Variants in FTO observed in about 807,000 individuals in gnomAD.
FTO encodes the protein alpha-ketoglutarate-dependent dioxygenase FTO.
In FTO, 47 loss-of-function variants were observed where a neutral mutation model predicts 63.9. The ratio of observed to expected loss-of-function variants is 0.74; its 90% confidence interval spans 0.58 to 0.94. The LOEUF (loss-of-function observed/expected upper bound fraction) is 0.94. FTO is among the 40% of genes least tolerant of loss of function. FTO has a pLI of 0.00. For synonymous variants in FTO, 207 were observed against 224.4 expected (o/e 0.92, Z 0.69); for missense variants, 562 against 618.1 (o/e 0.91, Z 0.96).
In FTO at chr16:54,053,613, A is replaced by C. The variant is rs117821714; in HGVS notation, c.1365-58149A>C. On this transcript the variant is annotated intron_variant, in intron 8 of 8. Transcript: ENST00000471389. ...ATGGTAAAGGTCCCCCCATTCAGGG[A>C]CTTCAATTTTGTGACAGAGAAAAAG... 7.2e-4 allele frequency among the ~76,000 whole-genome samples: 110 copies of C among 152,256 alleles called. 3 individuals carry two copies. In the East Asian group the frequency reaches 0.016, roughly 23 times the overall value.
chr16:54,095,440 C>CT (rs144637373), intron 8 of FTO, among the ~76,000 whole-genome samples: 8,869 of 146,936 alleles, frequency 0.06, 315 homozygotes, highest in African/African-American at 0.083. Context: ...TCTATTCACT[C>CT]TTTTTTTTTT....
intron 8 of FTO, among the ~76,000 whole-genome samples, chr16:54,019,345 G>A (rs1482271542): frequency 6.6e-6 from 1 of 152,186 alleles, no homozygotes; most frequent in Non-Finnish European, 1.5e-5. Context: ...TGTTAACAAG[G>A]AAGAAGGTGG....
chr16:53,947,579 G>A (rs1163735226), intron 8 of FTO, among the ~76,000 whole-genome samples: 3 of 152,092 alleles, frequency 2.0e-5, no homozygotes, highest in Non-Finnish European at 4.4e-5. Context: ...ATTTGTGGTG[G>A]TGATTTTTCA....
At chr16:53,826,614 C>A in intron 3 of FTO, 123 bp downstream of exon 3, 1 of 882,448 alleles carries the variant, frequency 1.1e-6, no homozygotes, top group Non-Finnish European at 1.8e-6. Flanking sequence ...TGTGTACATG[C>A]ACATGCGTGT....
intron 8 of FTO, among the ~76,000 whole-genome samples, chr16:54,098,557 T>G (rs1401149002): frequency 6.6e-6 from 1 of 152,226 alleles, no homozygotes; most frequent in Admixed American, 6.5e-5. Flanking sequence ...GCTGGCCTTT[T>G]ATTCTGTAAG....
At chr16:54,081,135 A>G (rs2086130241) in intron 8 of FTO, among the ~76,000 whole-genome samples, 1 of 152,154 alleles carries the variant, frequency 6.6e-6, no homozygotes, top group South Asian at 2.1e-4. Flanking sequence ...CAACAAAAGA[A>G]TGTGTCTCTT....
chr16:53,971,098 G>A (rs913344049), intron 8 of FTO, among the ~76,000 whole-genome samples: 19 of 152,156 alleles, frequency 1.2e-4, no homozygotes, highest in African/African-American at 4.1e-4. Context: ...ACTGTTAGAA[G>A]CAGTTTCTTT....
intron 8 of FTO, among the ~76,000 whole-genome samples, chr16:54,107,522 A>C (rs2086784511): frequency 6.6e-6 from 1 of 152,182 alleles, no homozygotes; most frequent in African/African-American, 2.4e-5. Flanking sequence ...ACCAAATGTC[A>C]GTGTTTTCAT....
At chr16:53,886,444 AG>A (rs2080998713) in intron 6 of FTO, among the ~76,000 whole-genome samples, 2 of 152,234 alleles carry the variant, frequency 1.3e-5, no homozygotes, top group Admixed American at 6.5e-5. Context: ...TCCATCAAAA[AG>A]AACTCATTTT....
At chr16:54,086,271 G>T (rs2086253120) in intron 8 of FTO, among the ~76,000 whole-genome samples, 1 of 152,300 alleles carries the variant, frequency 6.6e-6, no homozygotes, top group East Asian at 1.9e-4. Flanking sequence ...CAAGACCCAT[G>T]TATCCAGCCA....
chr16:53,869,921 T>A (rs1251608380), intron 4 of FTO, among the ~76,000 whole-genome samples: 1 of 152,204 alleles, frequency 6.6e-6, no homozygotes, highest in East Asian at 1.9e-4. Context: ...GGCCTTGTAC[T>A]TTTTTCTTGA....
chr16:54,038,789 C>T (rs926756770), intron 8 of FTO, among the ~76,000 whole-genome samples: 2 of 152,196 alleles, frequency 1.3e-5, no homozygotes, highest in African/African-American at 2.4e-5. Flanking sequence ...AAGCTTCCTG[C>T]GGCCTCATCA....
intron 8 of FTO, among the ~76,000 whole-genome samples, chr16:54,110,866 T>C (rs1330285944): frequency 1.3e-5 from 2 of 152,232 alleles, no homozygotes; most frequent in Non-Finnish European, 2.9e-5. Context: ...AAATTGTTCA[T>C]TCCTTAATGC....
chr16:53,937,041 A>T (rs1217339062), intron 8 of FTO, among the ~76,000 whole-genome samples: 2 of 152,204 alleles, frequency 1.3e-5, no homozygotes, highest in Non-Finnish European at 2.9e-5. Context: ...AGTCTCTTAA[A>T]CTGAAGCATA....
At chr16:54,008,672 G>T (rs1460374204) in intron 8 of FTO, 1 of 151,850 alleles carries the variant, frequency 6.6e-6, no homozygotes, top group Non-Finnish European at 1.5e-5. Context: ...TATTGCCCTT[G>T]TTAGGAACTA....
At chr16:53,904,502 C>T (rs145922248) in intron 7 of FTO, among the ~76,000 whole-genome samples, 92 of 152,248 alleles carry the variant, frequency 6.0e-4, no homozygotes, top group African/African-American at 2.0e-3. Flanking sequence ...TGGACTTGTG[C>T]GTCAAATCAA....
chr16:53,815,453 A>G (rs1012159549), intron 2 of FTO, among the ~76,000 whole-genome samples: 1 of 151,982 alleles, frequency 6.6e-6, no homozygotes, highest in Admixed American at 6.6e-5. Flanking sequence ...TGTAGGCCAC[A>G]TTGATCACTT....
At chr16:53,785,526 C>T (rs2151669993) in intron 1 of FTO, among the ~76,000 whole-genome samples, 1 of 152,156 alleles carries the variant, frequency 6.6e-6, no homozygotes, top group East Asian at 1.9e-4. Flanking sequence ...TTGTGCAAAG[C>T]TGGGAGAGGA....
chr16:53,917,709 A>AGTGTGTGT (rs35549801), intron 7 of FTO, among the ~76,000 whole-genome samples: 329 of 143,128 alleles, frequency 2.3e-3, no homozygotes, highest in Middle Eastern at 0.01. Context: ...AAATTGAGTG[A>AGTGTGTGT]GTGTGTGTGT....
Sources: gnomAD v4.1 joint callset for allele counts (sites outside exome capture counted in the v4.1 genomes callset) on GRCh38, gnomAD v4.1.1 for gene constraint, MANE v1.5 for transcripts, NCBI Gene and HGNC (gene_info 2026-07-23, HGNC 2026-07-21) for gene names.